The following METTL15 variants were observed in gnomAD, a reference collection of about 807,000 sequenced individuals.
METTL15 encodes the protein methyltransferase 15, mitochondrial 12S rRNA N4-cytidine.
METTL15 carries 34 observed loss-of-function variants against 38.3 expected under a neutral mutation model. The ratio of observed to expected loss-of-function variants is 0.89; its 90% CI spans 0.68 to 1.18. METTL15 has a LOEUF of 1.18. Ranked by LOEUF, METTL15 falls within the 50% of genes most tolerant of loss-of-function variation. METTL15 has a pLI of 0.00. For missense variants in METTL15, 438 were observed against 498.4 expected (o/e 0.88, Z 1.15); for synonymous variants, 162 against 170.9 (o/e 0.95, Z 0.41).
At chr11:28,376,207 A>G (rs1209642105) in intron 5 of METTL15, among the ~76,000 whole-genome samples, 1 of 151,364 alleles carries the variant, frequency 6.6e-6, no homozygotes, top group African/African-American at 2.4e-5. Flanking sequence ...GCTGAGTTCA[A>G]TTCGTGGGTA....
chr11:28,262,577 G>A (rs1051132757), intron 4 of METTL15, among the ~76,000 whole-genome samples: 1 of 151,980 alleles, frequency 6.6e-6, no homozygotes, highest in East Asian at 1.9e-4. Context: ...ACATTTTCAG[G>A]ACTGAGATGT....
At chr11:28,317,090 TC>T (rs1349141965) in intron 6 of METTL15, among the ~76,000 whole-genome samples, 1 of 152,212 alleles carries the variant, frequency 6.6e-6, no homozygotes, top group African/African-American at 2.4e-5. Context: ...CAGTTAATGT[TC>T]CTCATTACCT....
intron 3 of METTL15, among the ~76,000 whole-genome samples, chr11:28,131,396 G>A (rs527248155): frequency 7.9e-5 from 12 of 152,182 alleles, no homozygotes; most frequent in Non-Finnish European, 1.3e-4. Flanking sequence ...TGTTAACACC[G>A]GTGGCCCCAG....
At chr11:28,407,932 A>G (rs574231469) in intron 5 of METTL15, among the ~76,000 whole-genome samples, 2 of 152,338 alleles carry the variant, frequency 1.3e-5, no homozygotes, top group Non-Finnish European at 2.9e-5. Flanking sequence ...TAGACTAGAT[A>G]AAGAAAATGG....
At chr11:28,365,751 A>C (rs1246102636) in intron 5 of METTL15, among the ~76,000 whole-genome samples, 1 of 152,150 alleles carries the variant, frequency 6.6e-6, no homozygotes, top group East Asian at 1.9e-4. Flanking sequence ...AACTGCTTAG[A>C]AATAACAAAA....
chr11:28,511,190 AC>A (rs1197452253), intron 6 of METTL15, among the ~76,000 whole-genome samples: 2 of 152,000 alleles, frequency 1.3e-5, no homozygotes, highest in Admixed American at 1.3e-4. Flanking sequence ...GGGGGTGCTG[AC>A]CCCCTGCGTA....
At chr11:28,438,672 C>CTTTTTTTTTTTT (rs1171439330) in intron 6 of METTL15, among the ~76,000 whole-genome samples, 4 of 128,194 alleles carry the variant, frequency 3.1e-5, no homozygotes, top group African/African-American at 2.9e-5. Context: ...TTTCTTTTTT[C>CTTTTTTTTTTTT]TTTTTTTTTT....
At chr11:28,242,091 C>A (rs1854324808) in intron 4 of METTL15, among the ~76,000 whole-genome samples, 1 of 152,242 alleles carries the variant, frequency 6.6e-6, no homozygotes, top group South Asian at 2.1e-4. Flanking sequence ...AAATAAAAGT[C>A]TCTGTTTAAG....
intron 4 of METTL15, among the ~76,000 whole-genome samples, chr11:28,237,276 T>G (rs1854037628): frequency 6.6e-6 from 1 of 152,222 alleles, no homozygotes; most frequent in Non-Finnish European, 1.5e-5. Flanking sequence ...CATAGTCCCA[T>G]ATTTCTTGGA....
At chr11:28,412,717 A>G (rs1044233752) in intron 5 of METTL15, among the ~76,000 whole-genome samples, 5 of 152,136 alleles carry the variant, frequency 3.3e-5, no homozygotes, top group African/African-American at 9.6e-5. Context: ...ACAGAGAATG[A>G]AACATTGGTA....
At chr11:28,410,931 A>G (rs1040030297) in intron 5 of METTL15, 2 of 152,124 alleles carry the variant, frequency 1.3e-5, no homozygotes, top group African/African-American at 2.4e-5. Flanking sequence ...GTTACAGGGT[A>G]CAAAATCAAC....
chr11:28,194,850 C>T (rs1243568415), intron 3 of METTL15, among the ~76,000 whole-genome samples: 1 of 151,670 alleles, frequency 6.6e-6, no homozygotes, highest in Non-Finnish European at 1.5e-5. Context: ...CCTCACCCGC[C>T]TCCTAACCTC....
At chr11:28,480,673 T>C (rs184328952) in intron 6 of METTL15, among the ~76,000 whole-genome samples, 1 of 152,292 alleles carries the variant, frequency 6.6e-6, no homozygotes, top group Non-Finnish European at 1.5e-5. Context: ...GGCCTTGCAA[T>C]CGTATATTAT....
intron 3 of METTL15, among the ~76,000 whole-genome samples, chr11:28,200,947 T>C (rs2133819601): frequency 6.6e-6 from 1 of 152,234 alleles, no homozygotes; most frequent in East Asian, 1.9e-4. Flanking sequence ...CTATGTTGAA[T>C]AGGAGTGGTG....
At chr11:28,326,960 CTTTT>C (rs75922081) in intron 6 of METTL15, among the ~76,000 whole-genome samples, 13,121 of 151,946 alleles carry the variant, frequency 0.086, 983 homozygotes, top group East Asian at 0.35. Context: ...ATTTTATATT[CTTTT>C]GTTTCTTTTT....
chr11:28,408,429 G>A (rs1227049042), intron 5 of METTL15, among the ~76,000 whole-genome samples: 1 of 152,102 alleles, frequency 6.6e-6, no homozygotes, highest in Non-Finnish European at 1.5e-5. Context: ...CTGGCTTGAT[G>A]TCCTGTCAGG....
Position 28,504,123 on chromosome 11 carries a change from G to T in METTL15, c.*425-22355G>T, listed in dbSNP as rs565032200. ...TGAGGTAGGAGAATCGCTTGAACCCGGAGGCAGAGGTTGCAGTGAGTCGAG... is the reference window on the plus strand; with the variant it reads ...TGAGGTAGGAGAATCGCTTGAACCCTGAGGCAGAGGTTGCAGTGAGTCGAG... On this transcript the variant is annotated intron_variant and NMD_transcript_variant, in intron 6 of 7. Coordinates refer to the METTL15 transcript ENST00000532947. Among the ~76,000 whole-genome samples the T allele has an allele frequency of 4.6e-5, 7 of 150,646 alleles. No homozygotes were observed. The East Asian group carries it at 1.4e-3, about 29-fold the overall frequency.
intron 5 of METTL15, among the ~76,000 whole-genome samples, chr11:28,403,409 A>G (rs1476911261): frequency 6.6e-6 from 1 of 152,044 alleles, no homozygotes; most frequent in Non-Finnish European, 1.5e-5. Context: ...TATACTAAAT[A>G]CTAAATCAGT....
At chr11:28,126,506 G>A (rs991484398) in intron 3 of METTL15, among the ~76,000 whole-genome samples, 1 of 152,028 alleles carries the variant, frequency 6.6e-6, no homozygotes, top group Non-Finnish European at 1.5e-5. Context: ...AATAATTATT[G>A]AATGGAGGAA....
Sources: gnomAD v4.1 joint callset for allele counts (sites outside exome capture counted in the v4.1 genomes callset) on GRCh38, gnomAD v4.1.1 for gene constraint, MANE v1.5 for transcripts, NCBI Gene and HGNC (gene_info 2026-07-23, HGNC 2026-07-21) for gene names.